UNC45B: variants seen among roughly 807,000 people sequenced by gnomAD.
UNC45B encodes the protein protein unc-45 homolog B.
Under a neutral mutation model 98.7 loss-of-function variants are expected in UNC45B, and 78 were observed. That is an observed-to-expected ratio of 0.79 (90% CI 0.66 to 0.95). UNC45B has a LOEUF of 0.95. Ranked by LOEUF, UNC45B falls within the 40% of genes least tolerant of loss-of-function variation. The pLI is 0.00. For synonymous variants in UNC45B, 462 were observed against 480.4 expected, an observed-to-expected ratio of 0.96 and a Z score of 0.50; for missense variants, 1,225 against 1,184.9, an observed-to-expected ratio of 1.03 and a Z score of -0.50.
Position 35,154,525 on chromosome 17 carries a change from T to C in UNC45B, c.472-49T>C, listed in dbSNP as rs368556346. 9 of 1,588,618 alleles carry C rather than the reference T, an allele frequency of 5.7e-6. No homozygotes were observed. The African/African-American group carries it at 1.1e-4, about 19-fold the overall frequency. On this transcript the variant is annotated intron_variant, in intron 5 of 19. Transcript: ENST00000394570. ...TTGTACTTGGCCCATGGTCCAGGCC[T>C]GGGTGGCCGTACCTCCCTCGTAACC... is the stretch of plus-strand genomic sequence containing the variant.
intron 19 of UNC45B, 54 bp downstream of exon 19, chr17:35,183,636 C>T (rs2092287218): frequency 4.2e-6 from 6 of 1,443,276 alleles, no homozygotes; most frequent in Non-Finnish European, 5.5e-6. Context: ...GGAATCTCCC[C>T]ACCCACAGAC....
Position 35,180,592 on chromosome 17 carries a change from C to T in UNC45B, c.2289C>T (p.Asp763=), listed in dbSNP as rs1294776767. Residue 763 remains aspartate (D), a synonymous_variant, in exon 18 of 20, where the codon GAC becomes GAT. Coordinates refer to ENST00000394570, the MANE Select transcript of UNC45B (RefSeq NM_001267052.2). ...QKIFKERALP[D]IENYMFENHD... ...TCTTTAAGGAGAGGGCCTTGCCAGA[C>T]ATCGAGAACTACATGTTTGAGAATC... 4 of 1,614,054 alleles carry T rather than the reference C, an allele frequency of 2.5e-6. No homozygotes were observed. The highest frequency in any genetic ancestry group is 1.7e-4 in the Middle Eastern group (1 of 6,058).
At position 35,150,141 on chromosome 17, in the gene UNC45B, T is replaced by A. The variant is rs1448183323; in HGVS notation, c.299T>A (p.Val100Glu). ...LGKLDQAFKDVQRCATLEPRN... is the reference protein window; with the variant it reads ...LGKLDQAFKDEQRCATLEPRN... Reference sequence around the variant, plus strand: ...AAGCTGGACCAGGCCTTCAAAGACGTGCAGCGTTGTGCCACCCTCGAGCCA... The same window carrying A: ...AAGCTGGACCAGGCCTTCAAAGACGAGCAGCGTTGTGCCACCCTCGAGCCA... Residue 100 changes from valine (V) to glutamate (E), a missense_variant, in exon 4 of 20, where the codon GTG (valine) becomes GAG (glutamate). By Grantham distance (121) the Val-to-Glu change is moderately radical (BLOSUM62 -2). Transcript: ENST00000394570. 1 of 1,613,792 alleles carries A rather than the reference T, an allele frequency of 6.2e-7. No individual in the cohort carries two copies. Among genetic ancestry groups the A allele is most frequent in the South Asian group, 1.1e-5 (1 of 91,024 alleles).
At chr17:35,175,081 AAG>A (rs1188866238) in intron 14 of UNC45B, among the ~76,000 whole-genome samples, 2 of 98,122 alleles carry the variant, frequency 2.0e-5, no homozygotes, top group Non-Finnish European at 4.3e-5. Flanking sequence ...GAAAGAAAGA[AAG>A]AAAGAGAAAG....
At chr17:35,172,451 A>G (rs896616006) in intron 13 of UNC45B, among the ~76,000 whole-genome samples, 3 of 152,092 alleles carry the variant, frequency 2.0e-5, no homozygotes, top group Non-Finnish European at 4.4e-5. Flanking sequence ...GTTTCACCAT[A>G]TTGGTCAGGC....
chr17:35,186,783 T>C lies in UNC45B; in HGVS notation c.*224T>C, dbSNP rs2092307039. The C allele has an allele frequency of 1.1e-5, 5 of 443,426 alleles. No individual in the cohort carries two copies. The highest frequency in any genetic ancestry group is 2.0e-5 in the Non-Finnish European group (5 of 254,060). The allele number at this position is 443,426 out of a possible 1,614,324, so 27.5% of individuals were successfully genotyped here. A position where few individuals can be genotyped will look rare whatever the true frequency, so the allele number is the denominator to read the frequency against. On this transcript the variant is annotated 3_prime_UTR_variant, in exon 20 of 20. Coordinates refer to ENST00000394570, the MANE Select transcript of UNC45B (RefSeq NM_001267052.2). ...CTTGCTTCCTGTCTCCTTATATTTG[T>C]CATGTTTCAGAAATTCCCAGAATAA...
chr17:35,169,687 G>T (rs2092168441), intron 10 of UNC45B, 150 bp from the exon 11 acceptor site: 3 of 664,322 alleles, frequency 4.5e-6, no homozygotes, highest in Non-Finnish European at 8.0e-6. Flanking sequence ...TGACACCTGA[G>T]CTGAGTTTTA....
At chr17:35,168,017 T>A (rs2092152823) in intron 9 of UNC45B, 44 bp from the exon 10 acceptor site, 1 of 1,387,662 alleles carries the variant, frequency 7.2e-7, no homozygotes, top group Non-Finnish European at 9.4e-7. Context: ...CTCTTTCCAC[T>A]CTCTTGGACC....
intron 4 of UNC45B, 121 bp from the exon 5 acceptor site, chr17:35,152,772 A>G (rs1297468479): frequency 1.3e-6 from 1 of 773,262 alleles, no homozygotes; most frequent in African/African-American, 1.7e-5. Context: ...TGAATACATG[A>G]ATGAACGTAT....
At chr17:35,175,095 A>AAGAAAGAGAAAGAC in intron 14 of UNC45B, among the ~76,000 whole-genome samples, 1 of 149,996 alleles carries the variant, frequency 6.7e-6, no homozygotes, top group South Asian at 2.1e-4. Context: ...AAGAGAAAGA[A>AAGAAAGAGAAAGAC]AGAAAAAAGA....
At position 35,149,015 on chromosome 17, in the gene UNC45B, C is replaced by A; in HGVS notation, c.205+6C>A. On this transcript the variant is annotated splice_donor_region_variant and intron_variant, in intron 3 of 19. Coordinates refer to ENST00000394570, the MANE Select transcript of UNC45B (RefSeq NM_001267052.2). ...AGCTTCAGATGCCTCCAGAGGTGAG[C>A]CCCTCCCACCTCCAAGCTTGCCCTG... 1 of 1,614,104 alleles carries A rather than the reference C, an allele frequency of 6.2e-7. No homozygotes were observed. The highest frequency in any genetic ancestry group is 8.5e-7 in the Non-Finnish European group (1 of 1,180,000).
In UNC45B at chr17:35,186,565, G is replaced by A. The variant is rs749781772; in HGVS notation, c.*6G>A. 24 of 1,613,766 alleles carry A rather than the reference G, an allele frequency of 1.5e-5. No individual in the cohort carries two copies. Among genetic ancestry groups the A allele is most frequent in the Middle Eastern group, 1.6e-4 (1 of 6,080 alleles). On this transcript the variant is annotated 3_prime_UTR_variant, in exon 20 of 20. Coordinates refer to ENST00000394570, the MANE Select transcript of UNC45B (RefSeq NM_001267052.2). ...TCATTAAACCAGTGTCTTAGACAGC[G>A]ACCCTCAGGGATGCTGGGAGTGGTC...
intron 17 of UNC45B, among the ~76,000 whole-genome samples, chr17:35,177,847 C>T (rs1015567335): frequency 6.7e-6 from 1 of 148,602 alleles, no homozygotes; most frequent in Non-Finnish European, 1.5e-5. Context: ...TTTGTCTTTT[C>T]TTTTCTCTTC....
intron 10 of UNC45B, among the ~76,000 whole-genome samples, chr17:35,168,710 A>G (rs2142564798): frequency 6.6e-6 from 1 of 151,916 alleles, no homozygotes. Flanking sequence ...CTTTCATTTT[A>G]CTTTTTGTTT....
rs551051641 is a variant in UNC45B, at chr17:35,178,623, T to A, written c.2255+1013T>A. Among the ~76,000 whole-genome samples the A allele has an allele frequency of 3.3e-4, 50 of 152,354 alleles. No individual in the cohort carries two copies. The South Asian group carries it at 9.7e-3, about 30-fold the overall frequency. ...CATGAAGTCTTTGCCCATGCCTATG[T>A]CCTGAATGGTATTGCCTAGGTTTTC... On this transcript the variant is annotated intron_variant, in intron 17 of 19. Coordinates refer to ENST00000394570, the MANE Select transcript of UNC45B (RefSeq NM_001267052.2).
intron 3 of UNC45B, 46 bp from the exon 4 acceptor site, chr17:35,150,002 G>A (rs560552680): frequency 8.5e-6 from 13 of 1,530,058 alleles, no homozygotes; most frequent in East Asian, 4.6e-5. Flanking sequence ...CTGGTGGTCT[G>A]TAGTCTGGCT....
chr17:35,181,173 A>G (rs2092271100), intron 18 of UNC45B, among the ~76,000 whole-genome samples: 1 of 152,262 alleles, frequency 6.6e-6, no homozygotes, highest in South Asian at 2.1e-4. Context: ...AACTGTACTC[A>G]GCACAGAATA....
At chr17:35,174,687 G>T (rs894684490) in intron 14 of UNC45B, among the ~76,000 whole-genome samples, 1 of 152,074 alleles carries the variant, frequency 6.6e-6, no homozygotes, top group Non-Finnish European at 1.5e-5. Context: ...TGGCACGGTG[G>T]TGTGCACCTG....
chr17:35,153,742 T>A (rs1567754612), intron 5 of UNC45B, among the ~76,000 whole-genome samples: 1 of 151,414 alleles, frequency 6.6e-6, no homozygotes, highest in Non-Finnish European at 1.5e-5. Flanking sequence ...TACAAAGCCC[T>A]TAGTTGATAG....
Sources: allele counts gnomAD v4.1 joint callset (sites outside exome capture counted in the v4.1 genomes callset), GRCh38; gene constraint gnomAD v4.1.1; transcripts MANE v1.5; gene names NCBI Gene and HGNC (gene_info 2026-07-23, HGNC 2026-07-21).